The following HMCN1 variants were observed in gnomAD, a reference collection of about 807,000 sequenced individuals.
HMCN1 encodes the protein hemicentin 1.
In HMCN1, 321 loss-of-function variants were observed where a neutral mutation model predicts 625.9. The observed-to-expected ratio is 0.51, with a 90% CI of 0.47 to 0.56. HMCN1 has a LOEUF of 0.56. Ranked by LOEUF, HMCN1 falls within the 20% of genes least tolerant of loss-of-function variation. The pLI is 0.00. For missense variants in HMCN1, 6,588 were observed against 6,887.3 expected, an observed-to-expected ratio of 0.96 and a Z score of 1.54; for synonymous variants, 2,425 against 2,417.6, an observed-to-expected ratio of 1.00 and a Z score of -0.09.
intron 15 of HMCN1, among the ~76,000 whole-genome samples, chr1:185,971,084 TAGGG>T: frequency 6.6e-6 from 1 of 152,314 alleles, no homozygotes. Flanking sequence ...GTTACAGAGT[TAGGG>T]AGGTGCAGAA....
intron 11 of HMCN1, among the ~76,000 whole-genome samples, chr1:185,939,047 A>C (rs530205788): frequency 6.6e-6 from 1 of 152,236 alleles, no homozygotes; most frequent in Non-Finnish European, 1.5e-5. Flanking sequence ...AAAATGATTT[A>C]TTAAAAATGC....
chr1:185,820,303 A>G (rs1242410479), intron 1 of HMCN1, among the ~76,000 whole-genome samples: 1 of 152,120 alleles, frequency 6.6e-6, no homozygotes, highest in Non-Finnish European at 1.5e-5. Flanking sequence ...TACCAACTCC[A>G]TATTTGTTAT....
rs374711932 is a variant in HMCN1, at chr1:185,763,359, C to A, written c.268+28312C>A. On this transcript the variant is annotated intron_variant, in intron 1 of 106. Transcript: ENST00000271588. The stretch of plus-strand genomic sequence containing the variant: ...ATTACAGGGAAACAAAGGCAGATTT[C>A]AAAAATGAGGATTTAGTTGCTGAAA... Among the ~76,000 whole-genome samples the A allele has an allele frequency of 2.5e-3, 376 of 152,098 alleles. 5 individuals carry two copies. Among genetic ancestry groups the A allele is most frequent in the African/African-American group, 8.8e-3 (364 of 41,484 alleles).
chr1:186,159,455 T>C (rs1210810439), intron 97 of HMCN1, among the ~76,000 whole-genome samples: 1 of 152,132 alleles, frequency 6.6e-6, no homozygotes, highest in Non-Finnish European at 1.5e-5. Context: ...TCCAACACTA[T>C]GTTGAATAGG....
At chr1:186,109,177 G>T (rs756967873) in intron 71 of HMCN1, among the ~76,000 whole-genome samples, 1 of 152,182 alleles carries the variant, frequency 6.6e-6, no homozygotes, top group Admixed American at 6.5e-5. Flanking sequence ...GACTTTGAAT[G>T]TTTTGGATTA....
rs368453804 is a variant in HMCN1 at position 186,130,040 on chromosome 1, G to A, written c.12979G>A (p.Val4327Met). Residue 4327 changes from valine (V) to methionine (M), a missense_variant, in exon 84 of 107, where the codon GTG becomes ATG. Around this residue, in one of 3 missense-constraint regions of HMCN1, gnomAD observed 1,954 missense variants for 2,013.1 expected, o/e 0.97. Coordinates refer to ENST00000271588, the MANE Select transcript of HMCN1 (RefSeq NM_031935.3). Reference protein sequence around the residue: ...RVSKEDSGTYVCTAENSVGFV... With the variant: ...RVSKEDSGTYMCTAENSVGFV... The stretch of plus-strand genomic sequence containing the variant: ...GTCAAAAGAGGATTCAGGTACTTAT[G>A]TGTGCACCGCAGAGAACAGCGTTGG... 204 of 1,613,210 alleles carry A rather than the reference G, an allele frequency of 1.3e-4. No homozygotes were observed. Among genetic ancestry groups the A allele is most frequent in the Admixed American group, 1.7e-4 (10 of 59,912 alleles).
At chr1:185,774,792 A>C (rs1318442124) in intron 1 of HMCN1, among the ~76,000 whole-genome samples, 1 of 152,218 alleles carries the variant, frequency 6.6e-6, no homozygotes, top group East Asian at 1.9e-4. Context: ...TCACATTGTC[A>C]GTAGAAATAC....
rs753667642 is a variant in HMCN1, at chr1:186,145,812, G to A, written c.14497G>A (p.Gly4833Ser). The A allele has an allele frequency of 1.2e-6, 2 of 1,614,102 alleles. No individual in the cohort carries two copies. The highest frequency in any genetic ancestry group is 2.2e-5 in the South Asian group (2 of 91,088). Reference protein sequence around the residue: ...WSQCSASCGGGEKTRKRLCDH... With the variant: ...WSQCSASCGGSEKTRKRLCDH... ...CCAGTGCTCTGCCTCCTGTGGAGGAGGTGAAAAGACTCGGAAGCGGCTGTG... is the reference window on the plus strand; with the variant it reads ...CCAGTGCTCTGCCTCCTGTGGAGGAAGTGAAAAGACTCGGAAGCGGCTGTG... Residue 4833 changes from glycine (G) to serine (S), a missense_variant, in exon 93 of 107, where the codon GGT becomes AGT. Coordinates refer to ENST00000271588, the MANE Select transcript of HMCN1 (RefSeq NM_031935.3).
At chr1:185,782,957 A>T (rs964175889) in intron 1 of HMCN1, among the ~76,000 whole-genome samples, 2 of 152,028 alleles carry the variant, frequency 1.3e-5, no homozygotes, top group African/African-American at 4.8e-5. Context: ...ACTTGGTTCC[A>T]TTCTCCCCAT....
intron 2 of HMCN1, among the ~76,000 whole-genome samples, chr1:185,861,300 G>A (rs1303675190): frequency 6.6e-6 from 1 of 152,076 alleles, no homozygotes; most frequent in Non-Finnish European, 1.5e-5. Context: ...CTCATGTTTG[G>A]CCCATAGACA....
intron 1 of HMCN1, among the ~76,000 whole-genome samples, chr1:185,779,716 T>C (rs1182709384): frequency 2.0e-5 from 3 of 152,256 alleles, no homozygotes; most frequent in Non-Finnish European, 4.4e-5. Context: ...ATCTCTGTTT[T>C]GATACCAGTA....
At chr1:186,167,981 C>G (rs1325823264) in intron 100 of HMCN1, among the ~76,000 whole-genome samples, 2 of 151,436 alleles carry the variant, frequency 1.3e-5, no homozygotes, top group African/African-American at 4.9e-5. Context: ...AACTGAATGT[C>G]TATCAATAAA....
intron 1 of HMCN1, among the ~76,000 whole-genome samples, chr1:185,794,651 C>A (rs2102209134): frequency 7.4e-6 from 1 of 134,776 alleles, no homozygotes; most frequent in South Asian, 2.3e-4. Flanking sequence ...GCTGTGCCGG[C>A]AGCTGATTAG....
chr1:185,963,800 T>C lies in HMCN1; in HGVS notation c.2003T>C (p.Ile668Thr). 1.2e-6 allele frequency: 2 copies of C among 1,609,592 alleles called. No homozygotes were observed. Among genetic ancestry groups the C allele is most frequent in the Non-Finnish European group, 1.7e-6 (2 of 1,176,158 alleles). Residue 668 changes from isoleucine (I) to threonine (T), a missense_variant, in exon 13 of 107, where the codon ATC becomes ACC. Ile to Thr is a moderately conservative substitution (Grantham distance 89). This residue lies in a region of HMCN1 where 4,628 missense variants were observed against 4,853.1 expected (regional missense o/e 0.95). Coordinates refer to ENST00000271588, the MANE Select transcript of HMCN1 (RefSeq NM_031935.3). The part of the protein sequence containing the change: ...YRMTSDGTLF[I>T]KNAAPKDAGI... ...ATGACCTCAGATGGTACCTTATTTA[T>C]CAAAAATGCAGCTCCCAAAGATGCA...
chr1:186,130,057 C>G lies in HMCN1; in HGVS notation c.12996C>G (p.Asn4332Lys). 6.2e-7 allele frequency: 1 copy of G among 1,613,232 alleles called. No individual in the cohort carries two copies. Among genetic ancestry groups the G allele is most frequent in the Non-Finnish European group, 8.5e-7 (1 of 1,179,404 alleles). ...GTACTTATGTGTGCACCGCAGAGAA[C>G]AGCGTTGGCTTTGTGAAGGCAATTG... ...DSGTYVCTAE[N>K]SVGFVKAIGF... Residue 4332 changes from asparagine (N) to lysine (K), a missense_variant, in exon 84 of 107, where the codon AAC becomes AAG. Physicochemically the swap from Asn to Lys is moderately conservative, Grantham distance 94. Around this residue, in one of 3 missense-constraint regions of HMCN1, gnomAD observed 1,954 missense variants for 2,013.1 expected, o/e 0.97. Transcript: ENST00000271588.
chr1:186,189,366 A>G, intron 106 of HMCN1, 146 bp from the exon 107 acceptor site: 2 of 773,902 alleles, frequency 2.6e-6, no homozygotes, highest in Non-Finnish European at 4.4e-6. Flanking sequence ...TTAGTGACAC[A>G]GAAGACGACT....
intron 9 of HMCN1, 61 bp from the exon 10 acceptor site, chr1:185,928,485 A>G (rs1242290973): frequency 7.2e-7 from 1 of 1,385,250 alleles, no homozygotes; most frequent in Non-Finnish European, 1.0e-6. Context: ...ATAGTTAATC[A>G]TTGCTTTCAA....
At chr1:185,800,162 A>G (rs1658698062) in intron 1 of HMCN1, among the ~76,000 whole-genome samples, 1 of 152,148 alleles carries the variant, frequency 6.6e-6, no homozygotes, top group Admixed American at 6.5e-5. Context: ...CATGCACTTG[A>G]TCGTGGTGTC....
chr1:186,014,665 C>A (rs929665988), intron 30 of HMCN1, among the ~76,000 whole-genome samples: 1 of 151,724 alleles, frequency 6.6e-6, no homozygotes, highest in African/African-American at 2.4e-5. Flanking sequence ...GCAGTCCCCA[C>A]CTCCCCCCCA....
Sources: gnomAD v4.1 joint callset for allele counts (sites outside exome capture counted in the v4.1 genomes callset) on GRCh38, gnomAD v4.1.1 for gene constraint, gnomAD v4.1.1 regional missense constraint, MANE v1.5 for transcripts, NCBI Gene and HGNC (gene_info 2026-07-23, HGNC 2026-07-21) for gene names.